DNAH6: variants seen among roughly 807,000 people sequenced by gnomAD.
DNAH6 encodes the protein dynein axonemal heavy chain 6, also known as axonemal beta dynein heavy chain 6.
In DNAH6, 340 loss-of-function variants were observed where a neutral mutation model predicts 491.4. That is an observed-to-expected ratio of 0.69 (90% CI 0.63 to 0.76). The LOEUF is 0.76. Among genes scored for constraint, DNAH6 ranks in the 30% least tolerant of loss-of-function variants. The pLI is 0.00. For missense variants in DNAH6, 4,443 were observed against 4,972.2 expected (o/e 0.89, Z 3.20); for synonymous variants, 1,603 against 1,686.1 (o/e 0.95, Z 1.21).
At position 84,699,729 on chromosome 2, in the gene DNAH6, G is replaced by T. The variant is rs1294624714; in HGVS notation, c.7813G>T (p.Val2605Leu). 4 of 1,550,808 alleles carry T rather than the reference G, an allele frequency of 2.6e-6. No individual in the cohort carries two copies. Among genetic ancestry groups the T allele is most frequent in the African/African-American group, 1.4e-5 (1 of 73,136 alleles). Residue 2605 changes from valine to leucine, a missense_variant, in exon 48 of 77, where the codon GTG becomes TTG. Around this residue, in one of 3 missense-constraint regions of DNAH6, gnomAD observed 2,977 missense variants for 3,296.6 expected, o/e 0.90. Coordinates refer to ENST00000389394, the MANE Select transcript of DNAH6 (RefSeq NM_001370.2). ...GAATTGCTGCACCATTGACTGGTTT[G>T]TGCAGGTTGGTGACATCCCAGGATA... Reference protein sequence around the residue: ...LVNCCTIDWFVQWPREALLSV... With the variant: ...LVNCCTIDWFLQWPREALLSV...
At chr2:84,620,178 G>C (rs1261998763) in intron 24 of DNAH6, among the ~76,000 whole-genome samples, 1 of 152,162 alleles carries the variant, frequency 6.6e-6, no homozygotes, top group Non-Finnish European at 1.5e-5. Flanking sequence ...CTCTCCACAA[G>C]AGGCACGCTA....
At chr2:84,591,844 C>A (rs140644271) in intron 16 of DNAH6, among the ~76,000 whole-genome samples, 20 of 152,158 alleles carry the variant, frequency 1.3e-4, no homozygotes, top group African/African-American at 4.8e-4. Flanking sequence ...CAAAAATACA[C>A]AACAGGGAGA....
At chr2:84,711,650 A>G (rs76308923) in intron 56 of DNAH6, among the ~76,000 whole-genome samples, 3,248 of 152,324 alleles carry the variant, frequency 0.021, 115 homozygotes, top group South Asian at 0.16. Flanking sequence ...GTCAATGAGG[A>G]AACTGAGGCA....
chr2:84,552,787 C>T (rs2104566626), intron 9 of DNAH6, 131 bp from the exon 10 acceptor site: 1 of 468,716 alleles, frequency 2.1e-6, no homozygotes, highest in East Asian at 3.4e-5. Flanking sequence ...TTCTCTGAAA[C>T]ACTTTCCACA....
At position 84,583,432 on chromosome 2, in the gene DNAH6, A is replaced by G. The variant is rs980913932; in HGVS notation, c.2230-567A>G. ...ATTTATAAGAGCTCAGCTCTGAATA[A>G]TTTACCTCCTAACCTGATTACCTGT... On this transcript the variant is annotated intron_variant, in intron 14 of 76. Coordinates refer to ENST00000389394, the MANE Select transcript of DNAH6 (RefSeq NM_001370.2). Among the ~76,000 whole-genome samples the G allele has an allele frequency of 3.3e-5, 5 of 152,346 alleles. No individual in the cohort carries two copies. The East Asian group carries it at 9.6e-4, about 29-fold the overall frequency.
At chr2:84,806,618 CAAAA>C (rs1162301447) in intron 71 of DNAH6, among the ~76,000 whole-genome samples, 4 of 38,504 alleles carry the variant, frequency 1.0e-4, no homozygotes, top group African/African-American at 2.8e-4. Flanking sequence ...GACTCAGTCT[CAAAA>C]AAAAAAAAAA....
In DNAH6 at chr2:84,748,008, G is replaced by A. The variant is rs115452246; in HGVS notation, c.10512+2759G>A. Among the ~76,000 whole-genome samples, 1,130 of 152,290 alleles carry A rather than the reference G, an allele frequency of 7.4e-3. 8 individuals carry two copies. The highest frequency in any genetic ancestry group is 0.011 in the Non-Finnish European group (761 of 68,020). ...GCTTCCATAGGTGGCTCAGGACAGC[G>A]ACGCCCAAGGCTTGTCTACTGAAAC... is the stretch of plus-strand genomic sequence containing the variant. On this transcript the variant is annotated intron_variant, in intron 63 of 76. Transcript: ENST00000389394.
At chr2:84,705,900 T>A (rs1259328761) in intron 52 of DNAH6, among the ~76,000 whole-genome samples, 153 bp downstream of exon 52, 1 of 152,044 alleles carries the variant, frequency 6.6e-6, no homozygotes, top group Non-Finnish European at 1.5e-5. Context: ...GAGCTGGCAA[T>A]TTTTTTTCAG....
At chr2:84,509,625 A>G in the DNAH6 span, among the ~76,000 whole-genome samples, 1 of 152,172 alleles carries the variant, frequency 6.6e-6, no homozygotes. Flanking sequence ...TTATGATGTT[A>G]GCTGGTTATT....
At chr2:84,614,081 T>G (rs979522140) in intron 22 of DNAH6, among the ~76,000 whole-genome samples, 2 of 152,104 alleles carry the variant, frequency 1.3e-5, no homozygotes, top group African/African-American at 2.4e-5. Flanking sequence ...TATGGTTCTA[T>G]GAATAAGTTC....
At chr2:84,493,683 A>T in the DNAH6 span, among the ~76,000 whole-genome samples, 3 of 152,222 alleles carry the variant, frequency 2.0e-5, no homozygotes, top group African/African-American at 7.2e-5. Flanking sequence ...ATGAGTCATC[A>T]CTGAAAGGCT....
intron 16 of DNAH6, among the ~76,000 whole-genome samples, chr2:84,590,362 G>T (rs945233469): frequency 6.6e-6 from 1 of 151,936 alleles, no homozygotes; most frequent in African/African-American, 2.4e-5. Context: ...GGGCGTAGTG[G>T]CAGGCGCCTG....
At position 84,568,187 on chromosome 2, in the gene DNAH6, C is replaced by G. The variant is rs1681411299; in HGVS notation, c.1804-5280C>G. ...TGGTGATTCCTCAAAGACCTAGAAC[C>G]AGAAATACCATCTGACCCAGAAATC... On this transcript the variant is annotated intron_variant, in intron 11 of 76. Transcript: ENST00000389394. Among the ~76,000 whole-genome samples, 3 of 152,184 alleles carry G rather than the reference C, an allele frequency of 2.0e-5. No homozygotes were observed. The South Asian group carries it at 6.2e-4, about 32-fold the overall frequency.
upstream of DNAH6, among the ~76,000 whole-genome samples, chr2:84,516,207 G>T (rs149277623): frequency 1.7e-4 from 26 of 152,324 alleles, no homozygotes; most frequent in Non-Finnish European, 1.2e-4. Context: ...TGAGATGGGT[G>T]TGAGTGGTCG....
the DNAH6 span, among the ~76,000 whole-genome samples, chr2:84,467,069 C>T: frequency 1.8e-4 from 27 of 152,252 alleles, no homozygotes; most frequent in African/African-American, 6.5e-4. Context: ...CTAAGAAAAA[C>T]CTGGTTTGCA....
chr2:84,720,947 G>T (rs1490924661), intron 59 of DNAH6, among the ~76,000 whole-genome samples: 1 of 152,050 alleles, frequency 6.6e-6, no homozygotes, highest in Admixed American at 6.6e-5. Flanking sequence ...CTGATCCTTG[G>T]CTGTGTTTCC....
At chr2:84,512,642 G>A (rs879884255), upstream of DNAH6, among the ~76,000 whole-genome samples, 3 of 152,080 alleles carry the variant, frequency 2.0e-5, no homozygotes, top group Non-Finnish European at 4.4e-5. Context: ...TTCTCCCTTC[G>A]ATTCTGTTGG....
At chr2:84,590,969 G>T (rs557327424) in intron 16 of DNAH6, among the ~76,000 whole-genome samples, 27 of 152,116 alleles carry the variant, frequency 1.8e-4, no homozygotes, top group Non-Finnish European at 3.7e-4. Context: ...CAACAGTTTC[G>T]ACCAGTTTGC....
chr2:84,560,404 C>T (rs1037334152), intron 11 of DNAH6, among the ~76,000 whole-genome samples: 3 of 150,878 alleles, frequency 2.0e-5, no homozygotes, highest in Non-Finnish European at 4.4e-5. Context: ...TCTAGCCAAC[C>T]TAGTCTTTTA....
Sources: allele counts gnomAD v4.1 joint callset (sites outside exome capture counted in the v4.1 genomes callset), GRCh38; gene constraint gnomAD v4.1.1; regional missense constraint gnomAD v4.1.1; transcripts MANE v1.5; gene names NCBI Gene and HGNC (gene_info 2026-07-23, HGNC 2026-07-21).